KCNH8: variants seen among roughly 807,000 people sequenced by gnomAD.
KCNH8 encodes the protein voltage-gated delayed rectifier potassium channel KCNH8.
Under a neutral mutation model 103.6 loss-of-function variants are expected in KCNH8, and 70 were observed. The ratio of observed to expected loss-of-function variants is 0.68; its 90% CI spans 0.56 to 0.82. KCNH8 has a LOEUF of 0.82. Among genes scored for constraint, KCNH8 ranks in the 40% least tolerant of loss-of-function variants. KCNH8 has a pLI of 0.00. For missense variants in KCNH8, 1,217 were observed against 1,329.9 expected, an observed-to-expected ratio of 0.92 and a Z score of 1.32; for synonymous variants, 498 against 489.4, an observed-to-expected ratio of 1.02 and a Z score of -0.23.
chr3:19,477,492 G>T (rs2068001517), intron 11 of KCNH8, among the ~76,000 whole-genome samples: 1 of 151,590 alleles, frequency 6.6e-6, no homozygotes, highest in South Asian at 2.1e-4. Flanking sequence ...AAGTTGAAGG[G>T]ATATGAGGCT....
In KCNH8 at chr3:19,390,531, A is replaced by G. The variant is rs1445579905; in HGVS notation, c.862A>G (p.Ile288Val). Residue 288 changes from isoleucine (I) to valine (V), a missense_variant, in exon 6 of 16, where the codon ATC (isoleucine) becomes GTC (valine). Around this residue, in one of 3 missense-constraint regions of KCNH8, gnomAD observed 415 missense variants for 577.4 expected, o/e 0.72. Transcript: ENST00000328405. ...TTYVSKSGQVIFEARSICIHY... is the reference protein window; with the variant it reads ...TTYVSKSGQVVFEARSICIHY... Reference sequence around the variant, plus strand: ...TTATGTCAGCAAGTCTGGCCAAGTTATCTTTGAAGCAAGATCAATTTGCAT... The same window carrying G: ...TTATGTCAGCAAGTCTGGCCAAGTTGTCTTTGAAGCAAGATCAATTTGCAT... 1.2e-6 allele frequency: 2 copies of G among 1,613,246 alleles called. No individual in the cohort carries two copies. Among genetic ancestry groups the G allele is most frequent in the African/African-American group, 1.3e-5 (1 of 74,956 alleles).
chr3:19,367,800 A>G (rs1405888827), intron 5 of KCNH8, among the ~76,000 whole-genome samples: 4 of 152,026 alleles, frequency 2.6e-5, no homozygotes, highest in African/African-American at 9.7e-5. Context: ...TTAACAAGTC[A>G]TGTATAATTA....
At chr3:19,291,130 C>G (rs1201844488) in intron 3 of KCNH8, among the ~76,000 whole-genome samples, 2 of 152,042 alleles carry the variant, frequency 1.3e-5, no homozygotes, top group East Asian at 3.9e-4. Context: ...TGATTCTTCT[C>G]TCTTTTCTTC....
chr3:19,305,610 G>T (rs1203312680), intron 3 of KCNH8, among the ~76,000 whole-genome samples: 1 of 152,012 alleles, frequency 6.6e-6, no homozygotes, highest in African/African-American at 2.4e-5. Context: ...CACAATTGGA[G>T]AAGACTTTGG....
intron 14 of KCNH8, among the ~76,000 whole-genome samples, chr3:19,516,773 C>T (rs1223625065): frequency 6.6e-6 from 1 of 151,956 alleles, no homozygotes; most frequent in African/African-American, 2.4e-5. Context: ...ATTACTGCTA[C>T]CACTCTTTCT....
intron 1 of KCNH8, among the ~76,000 whole-genome samples, chr3:19,223,536 A>G (rs2063898319): frequency 1.3e-5 from 2 of 151,846 alleles, no homozygotes; most frequent in African/African-American, 4.8e-5. Context: ...TTACTTATCT[A>G]TGTGTTCATG....
intron 3 of KCNH8, among the ~76,000 whole-genome samples, chr3:19,317,571 GTATAAC>G (rs1464320138): frequency 1.3e-5 from 2 of 151,716 alleles, no homozygotes; most frequent in Admixed American, 6.6e-5. Flanking sequence ...CTACCTCAGA[GTATAAC>G]TATAAGAATA....
intron 1 of KCNH8, among the ~76,000 whole-genome samples, chr3:19,207,943 G>A (rs1360848228): frequency 1.3e-5 from 2 of 151,940 alleles, no homozygotes; most frequent in Non-Finnish European, 2.9e-5. Flanking sequence ...TAATGTAATT[G>A]GTATGGATTT....
intron 5 of KCNH8, among the ~76,000 whole-genome samples, chr3:19,352,235 A>T (rs1031927523): frequency 3.4e-4 from 52 of 152,222 alleles, no homozygotes; most frequent in Admixed American, 3.9e-4. Flanking sequence ...TCACAAAGCA[A>T]GTCCTTAGAG....
chr3:19,200,792 A>C (rs867293411), intron 1 of KCNH8, among the ~76,000 whole-genome samples: 3 of 152,074 alleles, frequency 2.0e-5, no homozygotes. Flanking sequence ...TTACTTTTAT[A>C]GTGAGAGTTC....
At chr3:19,181,624 T>C (rs1002154055) in intron 1 of KCNH8, among the ~76,000 whole-genome samples, 1 of 152,188 alleles carries the variant, frequency 6.6e-6, no homozygotes, top group Non-Finnish European at 1.5e-5. Context: ...CTATAAATTG[T>C]AAATTTCCAA....
At chr3:19,159,130 TTATC>T (rs1389910358) in intron 1 of KCNH8, among the ~76,000 whole-genome samples, 1 of 151,884 alleles carries the variant, frequency 6.6e-6, no homozygotes, top group African/African-American at 2.4e-5. Flanking sequence ...TGTCATTTTA[TTATC>T]TATCGAGACT....
intron 11 of KCNH8, among the ~76,000 whole-genome samples, chr3:19,502,885 A>C (rs555472066): frequency 2.3e-4 from 35 of 151,992 alleles, no homozygotes; most frequent in East Asian, 7.7e-4. Context: ...TTCATGTCTA[A>C]AACACCAAAA....
chr3:19,297,301 T>A (rs369784045), intron 3 of KCNH8, among the ~76,000 whole-genome samples: 3 of 152,378 alleles, frequency 2.0e-5, no homozygotes, highest in African/African-American at 4.8e-5. Context: ...TGCTATAATA[T>A]GAGCTTAAGG....
intron 11 of KCNH8, among the ~76,000 whole-genome samples, chr3:19,484,776 C>G (rs1406526233): frequency 1.3e-5 from 2 of 152,122 alleles, no homozygotes; most frequent in Non-Finnish European, 2.9e-5. Context: ...GCTGATGGGA[C>G]ACCTCTTATT....
chr3:19,257,561 G>A (rs1441009575), intron 2 of KCNH8, among the ~76,000 whole-genome samples: 1 of 151,982 alleles, frequency 6.6e-6, no homozygotes, highest in African/African-American at 2.4e-5. Flanking sequence ...GGATGTACCA[G>A]CCTTAGCTTT....
chr3:19,529,163 G>GCTTC (rs781598247), intron 15 of KCNH8, among the ~76,000 whole-genome samples: 4 of 152,030 alleles, frequency 2.6e-5, no homozygotes, highest in African/African-American at 4.8e-5. Flanking sequence ...TTTGTGAAGG[G>GCTTC]CTTTGTATTA....
intron 1 of KCNH8, among the ~76,000 whole-genome samples, chr3:19,203,103 C>G (rs1462446817): frequency 6.6e-6 from 1 of 152,012 alleles, no homozygotes; most frequent in Non-Finnish European, 1.5e-5. Context: ...TGCATGCAAA[C>G]AGGAACATAT....
chr3:19,328,180 G>A (rs2065457587), intron 3 of KCNH8, among the ~76,000 whole-genome samples: 1 of 152,108 alleles, frequency 6.6e-6, no homozygotes, highest in Non-Finnish European at 1.5e-5. Flanking sequence ...GACAATTACT[G>A]TTCTCTTATG....
Sources: gnomAD v4.1 joint callset for allele counts (sites outside exome capture counted in the v4.1 genomes callset) on GRCh38, gnomAD v4.1.1 for gene constraint, gnomAD v4.1.1 regional missense constraint, MANE v1.5 for transcripts, NCBI Gene and HGNC (gene_info 2026-07-23, HGNC 2026-07-21) for gene names.